The following C4orf36 variants were observed in gnomAD, a reference collection of about 807,000 sequenced individuals.
C4orf36 encodes uncharacterized protein C4orf36.
A neutral mutation model predicts 12.2 loss-of-function variants in C4orf36; 11 were observed. That is an observed-to-expected ratio of 0.90 (90% CI 0.57 to 1.49). C4orf36 has a LOEUF of 1.49. Ranked by LOEUF, C4orf36 falls within the 40% of genes most tolerant of loss-of-function variation. The pLI is 0.00. For missense variants in C4orf36, 137 were observed against 133.9 expected, an observed-to-expected ratio of 1.02 and a Z score of -0.11; for synonymous variants, 54 against 51.3, an observed-to-expected ratio of 1.05 and a Z score of -0.22.
the C4orf36 span, among the ~76,000 whole-genome samples, chr4:86,918,299 G>A: frequency 1.3e-5 from 2 of 152,140 alleles, no homozygotes; most frequent in Non-Finnish European, 2.9e-5. Flanking sequence ...TTTAAAGATC[G>A]GATTCTGACT....
chr4:86,915,116 A>G, the C4orf36 span, among the ~76,000 whole-genome samples: 4 of 152,206 alleles, frequency 2.6e-5, no homozygotes, highest in Middle Eastern at 3.4e-3. Flanking sequence ...GTATTCTGAT[A>G]TGCAATACTA....
chr4:86,916,807 G>T, the C4orf36 span, among the ~76,000 whole-genome samples: 1 of 152,172 alleles, frequency 6.6e-6, no homozygotes, highest in African/African-American at 2.4e-5. Context: ...TCATTTCATG[G>T]TAATGGGAAT....
the C4orf36 span, chr4:86,926,317 GA>G: frequency 6.6e-6 from 1 of 152,260 alleles, no homozygotes; most frequent in Non-Finnish European, 1.5e-5. Flanking sequence ...CCGAAGAAGA[GA>G]CTTGGAACCT....
chr4:86,899,173 T>G, the C4orf36 span, among the ~76,000 whole-genome samples: 1 of 152,236 alleles, frequency 6.6e-6, no homozygotes, highest in East Asian at 1.9e-4. Context: ...AATTTTTTTT[T>G]GTCTGCTCGC....
the C4orf36 span, chr4:86,913,426 TCA>T: frequency 4.0e-6 from 3 of 742,410 alleles, no homozygotes; most frequent in African/African-American, 1.7e-5. Context: ...GTTGCGGTCC[TCA>T]GTCGTGGCCC....
rs1747415184 is a variant in C4orf36, at chr4:86,891,513, T to C, written c.8A>G (p.Tyr3Cys). 6.2e-7 allele frequency: 1 copy of C among 1,614,074 alleles called. No homozygotes were observed. Among genetic ancestry groups the C allele is most frequent in the South Asian group, 1.1e-5 (1 of 91,078 alleles). The change falls in exon 2 of 5, where the codon TAT (tyrosine) becomes TGT (cysteine). Residue 3 changes from tyrosine (Y) to cysteine (C), a missense_variant. Physicochemically the swap from Tyr to Cys is radical, Grantham distance 194 (BLOSUM62 -2). Coordinates refer to ENST00000295898, the MANE Select transcript of C4orf36 (RefSeq NM_144645.4). Reference sequence around the variant, plus strand: ...CACTGTGTTCTTTCTTGGCACTCCATACGCCATGGTGAGTTATTACGGTAT... The same window carrying C: ...CACTGTGTTCTTTCTTGGCACTCCACACGCCATGGTGAGTTATTACGGTAT... MAYGVPRKNTVKT... is the reference protein window; with the variant it reads MACGVPRKNTVKT...
intron 4 of C4orf36, among the ~76,000 whole-genome samples, chr4:86,880,225 C>A (rs1488558829): frequency 5.3e-5 from 8 of 152,178 alleles, no homozygotes; most frequent in Non-Finnish European, 1.2e-4. Flanking sequence ...ATACTCCCAG[C>A]ACCTTGGGAG....
the C4orf36 span, among the ~76,000 whole-genome samples, chr4:86,903,787 G>A: frequency 6.6e-6 from 1 of 152,146 alleles, no homozygotes; most frequent in Non-Finnish European, 1.5e-5. Flanking sequence ...GAGCTGATGG[G>A]TCCGTTTTGA....
the C4orf36 span, among the ~76,000 whole-genome samples, chr4:86,906,786 TC>T: frequency 7.3e-6 from 1 of 136,684 alleles, no homozygotes; most frequent in Non-Finnish European, 1.5e-5. Context: ...ACACCTGTAA[TC>T]CCAGCACTTT....
the C4orf36 span, among the ~76,000 whole-genome samples, chr4:86,921,446 T>C: frequency 6.6e-6 from 1 of 152,148 alleles, no homozygotes; most frequent in Non-Finnish European, 1.5e-5. Flanking sequence ...AGGGCTGTAG[T>C]AGGTTGGCTA....
At chr4:86,907,837 C>G in the C4orf36 span, among the ~76,000 whole-genome samples, 13 of 151,656 alleles carry the variant, frequency 8.6e-5, no homozygotes. Flanking sequence ...GGCATGGTAG[C>G]GCACGCCTGT....
the C4orf36 span, among the ~76,000 whole-genome samples, chr4:86,920,199 G>A: frequency 6.6e-6 from 1 of 152,236 alleles, no homozygotes; most frequent in South Asian, 2.1e-4. Flanking sequence ...TCTTTTCCAT[G>A]TAAGACCTCA....
At chr4:86,927,848 G>C in the C4orf36 span, among the ~76,000 whole-genome samples, 1 of 152,038 alleles carries the variant, frequency 6.6e-6, no homozygotes, top group Non-Finnish European at 1.5e-5. Context: ...ATGAGGAGTT[G>C]ATACTGAATT....
At chr4:86,886,631 G>T (rs571132303) in intron 4 of C4orf36, 2 of 152,324 alleles carry the variant, frequency 1.3e-5, no homozygotes, top group South Asian at 4.1e-4. Context: ...TGGGGAGGAT[G>T]TGGAGAAATA....
In C4orf36 at chr4:86,888,131, A is replaced by C. The variant is rs765876633; in HGVS notation, c.210T>G (p.Pro70=). The C allele has an allele frequency of 1.2e-6, 2 of 1,612,882 alleles. No individual in the cohort carries two copies. The highest frequency in any genetic ancestry group is 2.2e-5 in the East Asian group (1 of 44,850). Residue 70 remains proline, a synonymous_variant, in exon 3 of 5, where the codon CCT becomes CCG. Coordinates refer to ENST00000295898, the MANE Select transcript of C4orf36 (RefSeq NM_144645.4). The part of the protein sequence containing the change: ...KCTTIKDGLL[P]SAESIKLERE... ...ACTTAAGGAACTTACATTCTGCAGA[A>C]GGGAGCAGTCCATCTTTAATGGTGG...
the C4orf36 span, chr4:86,935,155 C>G: frequency 1.3e-5 from 2 of 152,278 alleles, no homozygotes; most frequent in Admixed American, 6.5e-5. Context: ...TCCGCACTTG[C>G]GCCCTTTCCC....
the C4orf36 span, among the ~76,000 whole-genome samples, chr4:86,923,192 A>G: frequency 6.6e-6 from 1 of 151,712 alleles, no homozygotes; most frequent in Admixed American, 6.6e-5. Flanking sequence ...CCTAGGTTCA[A>G]ACTATCCTCT....
At chr4:86,877,972 G>A (rs1462331917) in intron 4 of C4orf36, among the ~76,000 whole-genome samples, 1 of 152,142 alleles carries the variant, frequency 6.6e-6, no homozygotes, top group Admixed American at 6.6e-5. Context: ...AGATAAAATT[G>A]GCCGTGAGTT....
At chr4:86,900,762 C>T in the C4orf36 span, among the ~76,000 whole-genome samples, 1 of 152,094 alleles carries the variant, frequency 6.6e-6, no homozygotes. Context: ...AAAGGCATGC[C>T]ATAGCTAACA....
Sources: gnomAD v4.1 joint callset for allele counts (sites outside exome capture counted in the v4.1 genomes callset) on GRCh38, gnomAD v4.1.1 for gene constraint, MANE v1.5 for transcripts, NCBI Gene and HGNC (gene_info 2026-07-23, HGNC 2026-07-21) for gene names.